The following NELL2 variants were observed in gnomAD, a reference collection of about 807,000 sequenced individuals.
NELL2 encodes the protein neural EGFL like 2.
A neutral mutation model predicts 109.6 loss-of-function variants in NELL2; 41 were observed. The observed-to-expected ratio is 0.37, with a 90% CI of 0.29 to 0.49. The LOEUF (loss-of-function observed/expected upper bound fraction) is 0.49. Ranked by LOEUF, NELL2 falls within the 20% of genes least tolerant of loss-of-function variation. The pLI, the probability that NELL2 is intolerant of heterozygous loss-of-function variation, is 0.98. For missense variants in NELL2, 900 were observed against 1,008.3 expected (o/e 0.89, Z 1.45); for synonymous variants, 355 against 344.7 (o/e 1.03, Z -0.33).
intron 9 of NELL2, among the ~76,000 whole-genome samples, chr12:44,728,279 C>G (rs1939187222): frequency 6.6e-6 from 1 of 151,702 alleles, no homozygotes; most frequent in Admixed American, 6.6e-5. Flanking sequence ...TTTAGAATAT[C>G]AATAGACAGT....
intron 11 of NELL2, among the ~76,000 whole-genome samples, chr12:44,710,942 A>C (rs1253611122): frequency 2.0e-5 from 3 of 152,152 alleles, no homozygotes; most frequent in Admixed American, 2.0e-4. Flanking sequence ...ACTTGCCAAG[A>C]AACAGTAACT....
intron 1 of NELL2, among the ~76,000 whole-genome samples, chr12:44,903,805 G>A (rs1945689576): frequency 6.7e-6 from 1 of 150,010 alleles, no homozygotes; most frequent in Non-Finnish European, 1.5e-5. Context: ...ACCAAACACT[G>A]CATGTTCTCA....
At chr12:44,587,044 G>A (rs935994653) in intron 15 of NELL2, among the ~76,000 whole-genome samples, 18 of 151,808 alleles carry the variant, frequency 1.2e-4, no homozygotes, top group African/African-American at 3.1e-4. Flanking sequence ...AGGCCGAGGC[G>A]GGTGGATCAT....
chr12:44,776,037 C>T lies in NELL2; in HGVS notation c.876G>A (p.Lys292=). ...GAAGCCATACCAGGCATGTGCAGTT[C>T]TTACAGCCGTCTATCCAGGACTCAA... ...REFESWIDGC[K]NCTCLNGTIQ... is the part of the protein sequence containing the mutation. The change falls in exon 8 of 20, where the codon AAG becomes AAA. Residue 292 remains lysine, a synonymous_variant. Coordinates refer to ENST00000429094, the MANE Select transcript of NELL2 (RefSeq NM_001145108.2). 6 of 1,613,754 alleles carry T rather than the reference C, an allele frequency of 3.7e-6. No individual in the cohort carries two copies. The highest frequency in any genetic ancestry group is 1.1e-5 in the South Asian group (1 of 91,064).
At chr12:44,551,660 G>C (rs1313675383) in intron 15 of NELL2, among the ~76,000 whole-genome samples, 1 of 152,106 alleles carries the variant, frequency 6.6e-6, no homozygotes, top group Non-Finnish European at 1.5e-5. Context: ...AGAATTCTAA[G>C]TGGGTATAAT....
chr12:44,684,288 G>A (rs575437058), intron 12 of NELL2, among the ~76,000 whole-genome samples: 18 of 152,096 alleles, frequency 1.2e-4, no homozygotes, highest in South Asian at 4.1e-4. Flanking sequence ...TTTTTATTGC[G>A]TCTATTTGAT....
rs544445460 is a variant in NELL2 at position 44,746,996 on chromosome 12, A to G, written c.994+27751T>C. On this transcript the variant is annotated intron_variant, in intron 9 of 19. Transcript: ENST00000429094. The stretch of plus-strand genomic sequence containing the variant: ...ATCATGCTGCTATAAAGACTCATGC[A>G]CACGTATGTTTATAGCAGCACTATT... Among the ~76,000 whole-genome samples, 11 of 152,332 alleles carry G rather than the reference A, an allele frequency of 7.2e-5. No individual in the cohort carries two copies. In the South Asian group the frequency reaches 2.3e-3, roughly 32 times the overall value.
chr12:44,869,140 T>C (rs894650701), intron 2 of NELL2, among the ~76,000 whole-genome samples: 3 of 152,078 alleles, frequency 2.0e-5, no homozygotes, highest in Non-Finnish European at 4.4e-5. Context: ...CCTTGAAACA[T>C]AGTATCTGCT....
chr12:44,600,308 C>A (rs1307473557), intron 15 of NELL2, among the ~76,000 whole-genome samples: 1 of 151,410 alleles, frequency 6.6e-6, no homozygotes, highest in Non-Finnish European at 1.5e-5. Context: ...CGCGCCCGGC[C>A]GGAAAACCTA....
chr12:44,735,293 G>C (rs1939584649), intron 9 of NELL2, among the ~76,000 whole-genome samples: 1 of 152,112 alleles, frequency 6.6e-6, no homozygotes, highest in African/African-American at 2.4e-5. Context: ...ATGCCTAGTA[G>C]TAGTAAAAAG....
intron 10 of NELL2, among the ~76,000 whole-genome samples, chr12:44,714,061 C>G (rs988601289): frequency 1.3e-5 from 2 of 151,744 alleles, no homozygotes; most frequent in African/African-American, 2.4e-5. Context: ...AAAAGACAAA[C>G]ATGAAAAGTG....
At chr12:44,641,449 G>A (rs1251185248) in intron 13 of NELL2, among the ~76,000 whole-genome samples, 3 of 152,032 alleles carry the variant, frequency 2.0e-5, no homozygotes, top group Non-Finnish European at 4.4e-5. Flanking sequence ...CTGACATAAA[G>A]CCAATCTTAC....
At chr12:44,734,872 T>A (rs1220461714) in intron 9 of NELL2, among the ~76,000 whole-genome samples, 1 of 152,072 alleles carries the variant, frequency 6.6e-6, no homozygotes, top group Admixed American at 6.6e-5. Context: ...AGCTTTTTAC[T>A]TTTTAGAAAT....
intron 15 of NELL2, among the ~76,000 whole-genome samples, chr12:44,593,240 G>A (rs771718068): frequency 6.6e-5 from 10 of 152,148 alleles, no homozygotes; most frequent in African/African-American, 9.7e-5. Flanking sequence ...AAGTGACTGA[G>A]ATCCAGAAAG....
intron 12 of NELL2, among the ~76,000 whole-genome samples, chr12:44,678,174 TA>T (rs74977326): frequency 0.13 from 19,252 of 151,996 alleles, 1,438 homozygotes; most frequent in East Asian, 0.21. Context: ...GCAGCAAAAC[TA>T]GAGGAGTGTT....
At chr12:44,687,866 TC>T (rs1291104287) in intron 12 of NELL2, among the ~76,000 whole-genome samples, 7 of 152,306 alleles carry the variant, frequency 4.6e-5, no homozygotes, top group African/African-American at 1.2e-4. Flanking sequence ...TGGATTCCTT[TC>T]CAGGGAGGCA....
Position 44,560,557 on chromosome 12 carries a change from T to C in NELL2, c.1664-27836A>G, listed in dbSNP as rs577526073. Among the ~76,000 whole-genome samples, 381 of 152,164 alleles carry C rather than the reference T, an allele frequency of 2.5e-3. 1 individual carries two copies. The highest frequency in any genetic ancestry group is 8.8e-3 in the African/African-American group (366 of 41,534). On this transcript the variant is annotated intron_variant, in intron 15 of 19. Transcript: ENST00000429094. ...TCAGAGAATACTATAAACAACTCTATGCAAATAAACTAGAAAATCTAGAAG... is the reference window on the plus strand; with the variant it reads ...TCAGAGAATACTATAAACAACTCTACGCAAATAAACTAGAAAATCTAGAAG...
intron 9 of NELL2, among the ~76,000 whole-genome samples, chr12:44,719,962 A>T (rs1167979654): frequency 2.6e-5 from 4 of 152,168 alleles, no homozygotes; most frequent in Non-Finnish European, 4.4e-5. Context: ...GTCAAACAAA[A>T]AATTTTAAAA....
At chr12:44,555,935 A>T (rs2136173200) in intron 15 of NELL2, among the ~76,000 whole-genome samples, 1 of 152,324 alleles carries the variant, frequency 6.6e-6, no homozygotes, top group South Asian at 2.1e-4. Context: ...ATGAAGGCTC[A>T]CAGGCTTTAG....
Sources: gnomAD v4.1 joint callset for allele counts (sites outside exome capture counted in the v4.1 genomes callset) on GRCh38, gnomAD v4.1.1 for gene constraint, MANE v1.5 for transcripts, NCBI Gene and HGNC (gene_info 2026-07-23, HGNC 2026-07-21) for gene names.